The following PCDHGA9 variants were observed in gnomAD, a reference collection of about 807,000 sequenced individuals.
The protein encoded by PCDHGA9 is protocadherin gamma subfamily A, 9.
A neutral mutation model predicts 62.5 loss-of-function variants in PCDHGA9; 37 were observed. That is an observed-to-expected ratio of 0.59 (90% CI 0.46 to 0.78). The LOEUF (loss-of-function observed/expected upper bound fraction) is 0.78. PCDHGA9 is among the 30% of genes least tolerant of loss of function. PCDHGA9 has a pLI of 0.00. For synonymous variants in PCDHGA9, 459 were observed against 484.6 expected (o/e 0.95, Z 0.69); for missense variants, 1,138 against 1,166.2 (o/e 0.98, Z 0.35).
intron 1 of PCDHGA9, chr5:141,419,409 A>G: frequency 6.2e-7 from 1 of 1,613,462 alleles, no homozygotes; most frequent in Non-Finnish European, 8.5e-7. Flanking sequence ...GTGTTCGCGC[A>G]GCGCGCCTTC....
chr5:141,493,289 C>A lies in PCDHGA9; in HGVS notation c.2425-1518C>A, dbSNP rs925045650. On this transcript the variant is annotated intron_variant, in intron 1 of 3. Coordinates refer to ENST00000573521, the MANE Select transcript of PCDHGA9 (RefSeq NM_018921.3). This position sits in a 1 kb window ranked among gnomAD's most constrained non-coding sequence, Gnocchi z 4.3. The stretch of plus-strand genomic sequence containing the variant: ...CTTCACAGAGGTCAAGTGACTTGCT[C>A]AAGTTCACAGAGCAAGTAAGAGAGA... 6.6e-6 allele frequency among the ~76,000 whole-genome samples: 1 copy of A among 152,176 alleles called. No individual in the cohort carries two copies. Among genetic ancestry groups the A allele is most frequent in the East Asian group, 1.9e-4 (1 of 5,194 alleles).
chr5:141,411,568 AG>A (rs2095500132), intron 1 of PCDHGA9: 1 of 152,232 alleles, frequency 6.6e-6, no homozygotes, highest in South Asian at 2.1e-4. Context: ...TGGGCGACAG[AG>A]TGCGACCCTG....
At chr5:141,409,867 C>T (rs376725837) in intron 1 of PCDHGA9, 35 of 1,612,662 alleles carry the variant, frequency 2.2e-5, no homozygotes, top group African/African-American at 2.1e-4. Flanking sequence ...TGGGAGACCG[C>T]AATGACAACG....
chr5:141,462,646 A>G (rs1371582710), intron 1 of PCDHGA9, among the ~76,000 whole-genome samples: 1 of 137,316 alleles, frequency 7.3e-6, no homozygotes, highest in Non-Finnish European at 1.5e-5. Flanking sequence ...TTTCATTTCC[A>G]TCCTCAATTA....
At chr5:141,408,266 C>G in intron 1 of PCDHGA9, 1 of 1,608,708 alleles carries the variant, frequency 6.2e-7, no homozygotes, top group Non-Finnish European at 8.5e-7. Flanking sequence ...TCCTTTGCTG[C>G]TGCCTTTGTT....
chr5:141,415,649 A>G (rs1179309556), intron 1 of PCDHGA9: 1 of 1,597,606 alleles, frequency 6.3e-7, no homozygotes, highest in Non-Finnish European at 8.5e-7. Context: ...GTTAAAAAAA[A>G]AAAGATTGGT....
chr5:141,410,589 A>G (rs2095410065), intron 1 of PCDHGA9: 1 of 1,609,086 alleles, frequency 6.2e-7, no homozygotes, highest in Non-Finnish European at 8.5e-7. Flanking sequence ...GGTGGGGAGG[A>G]TTTGACTTCA....
chr5:141,500,318 C>T (rs1005060282), intron 2 of PCDHGA9, among the ~76,000 whole-genome samples: 3 of 151,948 alleles, frequency 2.0e-5, no homozygotes, highest in African/African-American at 7.3e-5. Context: ...ACGCCATGCT[C>T]CTGCCTCAGC....
At position 141,431,747 on chromosome 5, in the gene PCDHGA9, C is replaced by T. The variant is rs371020840; in HGVS notation, c.2424+26371C>T. The T allele has an allele frequency of 5.0e-6, 8 of 1,614,064 alleles. No individual in the cohort carries two copies. In the Admixed American group the frequency reaches 5.0e-5, roughly 10 times the overall value. On this transcript the variant is annotated intron_variant, in intron 1 of 3. Transcript: ENST00000573521. This position sits in a 1 kb window ranked among gnomAD's most constrained non-coding sequence, Gnocchi z 4.8. ...AATGGATAATGCAGGATATTCTGCG[C>T]GAGCCAAAGTCCTGATCACTGTTCT...
Position 141,404,829 on chromosome 5 carries a change from T to C in PCDHGA9, c.1877T>C (p.Val626Ala). Reference protein sequence around the residue: ...LFSVGLHTGEVRTARALLDRD... With the variant: ...LFSVGLHTGEARTARALLDRD... Reference sequence around the variant, plus strand: ...TCGGTGGGGCTGCACACAGGTGAAGTGCGCACAGCTCGGGCCCTGCTAGAT... The same window carrying C: ...TCGGTGGGGCTGCACACAGGTGAAGCGCGCACAGCTCGGGCCCTGCTAGAT... Residue 626 changes from valine to alanine, a missense_variant, in exon 1 of 4, where the codon GTG becomes GCG. Transcript: ENST00000573521. 1.9e-6 allele frequency: 3 copies of C among 1,608,020 alleles called. No individual in the cohort carries two copies. The South Asian group carries it at 3.3e-5, about 18-fold the overall frequency.
At chr5:141,420,214 C>G (rs1356792048) in intron 1 of PCDHGA9, 1 of 1,611,064 alleles carries the variant, frequency 6.2e-7, no homozygotes, top group Admixed American at 1.7e-5. Context: ...ACAAAGATAG[C>G]ATGCTACTGG....
chr5:141,422,197 G>C, intron 1 of PCDHGA9: 1 of 1,562,284 alleles, frequency 6.4e-7, no homozygotes, highest in Non-Finnish European at 8.6e-7. Flanking sequence ...TCAAGGCCAA[G>C]ATGGTGGAGG....
At chr5:141,409,104 T>C in intron 1 of PCDHGA9, 3 of 1,613,960 alleles carry the variant, frequency 1.9e-6, no homozygotes, top group Non-Finnish European at 2.5e-6. Context: ...ACAGGTATGA[T>C]TAAGAATAAC....
chr5:141,482,529 G>GAAAAAAAA (rs1256461887), intron 1 of PCDHGA9, among the ~76,000 whole-genome samples: 1 of 56,042 alleles, frequency 1.8e-5, no homozygotes, highest in Admixed American at 1.9e-4. Context: ...AGACAGACAT[G>GAAAAAAAA]CAAAAAAAAA....
intron 1 of PCDHGA9, among the ~76,000 whole-genome samples, chr5:141,463,393 C>CA (rs955461719): frequency 5.7e-5 from 8 of 140,804 alleles, no homozygotes; most frequent in Non-Finnish European, 7.6e-5. Flanking sequence ...TGTCTCCAGG[C>CA]AAAAAAAATG....
chr5:141,439,186 C>T (rs2098094521), intron 1 of PCDHGA9, among the ~76,000 whole-genome samples: 1 of 141,808 alleles, frequency 7.1e-6, no homozygotes, highest in Admixed American at 7.0e-5. Flanking sequence ...TAGTGAGACT[C>T]TGACAAAAAA....
chr5:141,459,581 G>A (rs945690319), intron 1 of PCDHGA9, among the ~76,000 whole-genome samples: 1 of 152,138 alleles, frequency 6.6e-6, no homozygotes, highest in Non-Finnish European at 1.5e-5. Flanking sequence ...AATTGTTTTG[G>A]GGGTCATATG....
intron 1 of PCDHGA9, among the ~76,000 whole-genome samples, chr5:141,425,025 T>C (rs1416166875): frequency 1.3e-5 from 2 of 152,236 alleles, no homozygotes; most frequent in Non-Finnish European, 2.9e-5. Flanking sequence ...ATTTACCTTA[T>C]GTCATTAGTT....
In PCDHGA9 at chr5:141,485,580, A is replaced by C. The variant is rs761157560; in HGVS notation, c.2425-9227A>C. The C allele has an allele frequency of 6.2e-7, 1 of 1,612,610 alleles. No homozygotes were observed. The highest frequency in any genetic ancestry group is 2.2e-5 in the East Asian group (1 of 44,850). ...GATCACGCCCCCCGTTTTCCGCGGCAGCAGCTGGACTTGGAAATTGGGGAG... is the reference window on the plus strand; with the variant it reads ...GATCACGCCCCCCGTTTTCCGCGGCCGCAGCTGGACTTGGAAATTGGGGAG... On this transcript the variant is annotated intron_variant, in intron 1 of 3. Transcript: ENST00000573521. The surrounding 1 kb of genome is among the most constrained non-coding windows in gnomAD (Gnocchi z 5.7).
Sources: gnomAD v4.1 joint callset for allele counts (sites outside exome capture counted in the v4.1 genomes callset) on GRCh38, gnomAD v4.1.1 for gene constraint, Gnocchi (gnomAD v3.1) non-coding constraint, MANE v1.5 for transcripts, NCBI Gene and HGNC (gene_info 2026-07-23, HGNC 2026-07-21) for gene names.